SCFD2: variants seen among roughly 807,000 people sequenced by gnomAD.
The protein encoded by SCFD2 is sec1 family domain containing 2.
SCFD2 carries 54 observed loss-of-function variants against 58.9 expected under a neutral mutation model. That is an observed-to-expected ratio of 0.92 (90% CI 0.74 to 1.15). The LOEUF (loss-of-function observed/expected upper bound fraction) is 1.15. SCFD2 is among the 50% of genes most tolerant of loss of function. The probability of loss-of-function intolerance (pLI) is 0.00; values close to 1 mark genes in which losing one functional copy is unlikely to be tolerated. For synonymous variants in SCFD2, 321 were observed against 335.9 expected (o/e 0.96, Z 0.49); for missense variants, 805 against 836.6 (o/e 0.96, Z 0.47).
intron 4 of SCFD2, among the ~76,000 whole-genome samples, chr4:53,201,125 T>G (rs1728220353): frequency 6.6e-6 from 1 of 152,094 alleles, no homozygotes; most frequent in Non-Finnish European, 1.5e-5. Context: ...CTGCACCCAT[T>G]AATTCGTCAT....
In SCFD2 at chr4:52,993,490, G is replaced by A. The variant is rs116579095; in HGVS notation, c.1562-72620C>T. Among the ~76,000 whole-genome samples, 399 of 152,240 alleles carry A rather than the reference G, an allele frequency of 2.6e-3. 2 individuals are homozygous for A. The highest frequency in any genetic ancestry group is 3.9e-3 in the Admixed American group (59 of 15,294). ...CTAAATCATCAAAGTACTTTCAGTGGCTCACTAGGATGCATATCTAGAAGC... is the reference window on the plus strand; with the variant it reads ...CTAAATCATCAAAGTACTTTCAGTGACTCACTAGGATGCATATCTAGAAGC... On this transcript the variant is annotated intron_variant, in intron 5 of 8. Transcript: ENST00000401642.
chr4:52,970,134 C>T (rs530322926), intron 5 of SCFD2, among the ~76,000 whole-genome samples: 51 of 152,276 alleles, frequency 3.3e-4, no homozygotes, highest in Non-Finnish European at 6.2e-4. Flanking sequence ...ACTGAGGTAC[C>T]GGGCTCATCT....
chr4:53,279,226 A>G (rs1425601726), intron 3 of SCFD2, among the ~76,000 whole-genome samples: 1 of 152,170 alleles, frequency 6.6e-6, no homozygotes, highest in Non-Finnish European at 1.5e-5. Flanking sequence ...TCATATTAAG[A>G]CTGCATAAAT....
rs142850963 is a variant in SCFD2 at position 52,997,771 on chromosome 4, C to G, written c.1562-76901G>C. On this transcript the variant is annotated intron_variant, in intron 5 of 8. Transcript: ENST00000401642. ...AGTCAGATAAGGAATTAGGGCCAAA[C>G]CCCAACTATTTGATGAGGAGTCTGT... Among the ~76,000 whole-genome samples, 305 of 152,274 alleles carry G rather than the reference C, an allele frequency of 2.0e-3. 1 individual carries two copies. The highest frequency in any genetic ancestry group is 7.2e-3 in the African/African-American group (299 of 41,550).
At chr4:53,108,381 G>A (rs940944807) in intron 5 of SCFD2, among the ~76,000 whole-genome samples, 1 of 151,698 alleles carries the variant, frequency 6.6e-6, no homozygotes, top group Non-Finnish European at 1.5e-5. Flanking sequence ...CAGAAGTGAA[G>A]GAGATATAGA....
chr4:53,174,950 C>A (rs1727284597), intron 4 of SCFD2, among the ~76,000 whole-genome samples: 1 of 103,346 alleles, frequency 9.7e-6, no homozygotes, highest in Non-Finnish European at 2.3e-5. Context: ...GACTGTTTTG[C>A]ATGTTTGTGA....
intron 7 of SCFD2, among the ~76,000 whole-genome samples, chr4:52,897,930 A>C (rs1381093880): frequency 6.6e-6 from 1 of 152,172 alleles, no homozygotes; most frequent in Admixed American, 6.5e-5. Context: ...TAGATTTTGT[A>C]GTTTATTTGC....
intron 5 of SCFD2, among the ~76,000 whole-genome samples, chr4:52,984,872 A>G (rs1721453601): frequency 6.6e-6 from 1 of 152,226 alleles, no homozygotes; most frequent in Non-Finnish European, 1.5e-5. Context: ...ACCTTTTCCA[A>G]TAATGCAGGA....
Position 53,268,756 on chromosome 4 carries a change from T to A in SCFD2, c.1311+5070A>T, listed in dbSNP as rs1247513341. ...AGAAGAGCATCCCTATGGGGAGGTT[T>A]CCACAAGGGTGCCTCTGTATGAAGT... On this transcript the variant is annotated intron_variant, in intron 4 of 8. Transcript: ENST00000401642. Among the ~76,000 whole-genome samples, 7 of 152,138 alleles carry A rather than the reference T, an allele frequency of 4.6e-5. No homozygotes were observed. The East Asian group carries it at 1.4e-3, about 29-fold the overall frequency.
intron 3 of SCFD2, among the ~76,000 whole-genome samples, chr4:53,302,109 A>G (rs1732328958): frequency 6.6e-6 from 1 of 152,160 alleles, no homozygotes; most frequent in Admixed American, 6.5e-5. Context: ...CAGGGCAATC[A>G]GGCAGGAGAA....
At chr4:53,240,230 T>G (rs775383313) in intron 4 of SCFD2, among the ~76,000 whole-genome samples, 7 of 152,152 alleles carry the variant, frequency 4.6e-5, no homozygotes, top group Non-Finnish European at 1.0e-4. Context: ...CCTTCAAAAA[T>G]CCCATTTCAT....
intron 5 of SCFD2, among the ~76,000 whole-genome samples, chr4:53,123,754 C>T (rs6815750): frequency 0.012 from 1,813 of 152,326 alleles, 42 homozygotes; most frequent in African/African-American, 0.041. Context: ...AAAGGAAAGT[C>T]ATTCCTCATG....
At chr4:52,958,726 G>A (rs1459487250) in intron 5 of SCFD2, among the ~76,000 whole-genome samples, 1 of 152,098 alleles carries the variant, frequency 6.6e-6, no homozygotes. Flanking sequence ...CTAGAGCAGA[G>A]GACAGGTGTC....
chr4:53,026,248 C>G (rs911381330), intron 5 of SCFD2, among the ~76,000 whole-genome samples: 6 of 152,160 alleles, frequency 3.9e-5, no homozygotes, highest in Non-Finnish European at 1.5e-5. Flanking sequence ...AAAGACATTT[C>G]AAGAATATCC....
intron 4 of SCFD2, among the ~76,000 whole-genome samples, chr4:53,200,992 AATTTT>A (rs1485359884): frequency 2.8e-5 from 4 of 144,060 alleles, no homozygotes; most frequent in African/African-American, 7.4e-5. Flanking sequence ...TACAAATATT[AATTTT>A]ATTTTAATTT....
At chr4:52,904,632 ATTCATGAG>A (rs918071239) in intron 7 of SCFD2, among the ~76,000 whole-genome samples, 2 of 152,160 alleles carry the variant, frequency 1.3e-5, no homozygotes, top group African/African-American at 4.8e-5. Context: ...CATAGATTTT[ATTCATGAG>A]CTGGATAGAT....
At chr4:53,082,445 G>C (rs754121729) in intron 5 of SCFD2, among the ~76,000 whole-genome samples, 10 of 152,110 alleles carry the variant, frequency 6.6e-5, no homozygotes, top group South Asian at 6.2e-4. Flanking sequence ...CATTTCGCTA[G>C]TGGCTAATGA....
At chr4:52,901,137 T>A (rs1719188004) in intron 7 of SCFD2, among the ~76,000 whole-genome samples, 1 of 152,238 alleles carries the variant, frequency 6.6e-6, no homozygotes. Context: ...CACGGTGCAC[T>A]GCACCCAGTG....
At chr4:53,032,532 T>C (rs1320649659) in intron 5 of SCFD2, among the ~76,000 whole-genome samples, 1 of 152,188 alleles carries the variant, frequency 6.6e-6, no homozygotes, top group African/African-American at 2.4e-5. Context: ...CAGTGTGCTG[T>C]ATTCAGGAGA....
Sources: gnomAD v4.1 joint callset for allele counts (sites outside exome capture counted in the v4.1 genomes callset) on GRCh38, gnomAD v4.1.1 for gene constraint, MANE v1.5 for transcripts, NCBI Gene and HGNC (gene_info 2026-07-23, HGNC 2026-07-21) for gene names.